The following IL1RAP variants were observed in gnomAD, a reference collection of about 807,000 sequenced individuals.
The protein encoded by IL1RAP is interleukin 1 receptor accessory protein.
A neutral mutation model predicts 60.7 loss-of-function variants in IL1RAP; 35 were observed. The observed-to-expected ratio is 0.58, with a 90% CI of 0.44 to 0.76. The LOEUF is 0.76. Among genes scored for constraint, IL1RAP ranks in the 30% least tolerant of loss-of-function variants. The probability of loss-of-function intolerance (pLI) is 0.00; values close to 1 mark genes in which losing one functional copy is unlikely to be tolerated. For missense variants in IL1RAP, 572 were observed against 693.9 expected (o/e 0.82, Z 1.97); for synonymous variants, 268 against 250.9 (o/e 1.07, Z -0.64).
chr3:190,593,280 A>G (rs901331135), intron 3 of IL1RAP, among the ~76,000 whole-genome samples: 2 of 152,170 alleles, frequency 1.3e-5, no homozygotes, highest in Non-Finnish European at 2.9e-5. Flanking sequence ...ATGCAGTGCC[A>G]GCAACATGAG....
In IL1RAP at chr3:190,648,719, A is replaced by G. The variant is rs775035878; in HGVS notation, c.*14A>G. 1 of 1,592,892 alleles carries G rather than the reference A, an allele frequency of 6.3e-7. No homozygotes were observed. Among genetic ancestry groups the G allele is most frequent in the Non-Finnish European group, 8.5e-7 (1 of 1,170,732 alleles). On this transcript the variant is annotated 3_prime_UTR_variant, in exon 12 of 12. Transcript: ENST00000447382. Reference sequence around the variant, plus strand: ...AAAAATGTATGAAAGGAATAATGAAAAGGGTAAAAAGAACAAGGGGTGCTC... The same window carrying G: ...AAAAATGTATGAAAGGAATAATGAAGAGGGTAAAAAGAACAAGGGGTGCTC...
chr3:190,558,237 T>A (rs1485545332), intron 2 of IL1RAP, among the ~76,000 whole-genome samples: 1 of 152,224 alleles, frequency 6.6e-6, no homozygotes, highest in African/African-American at 2.4e-5. Flanking sequence ...ATAATAGGGC[T>A]TCTACAAACA....
intron 1 of IL1RAP, among the ~76,000 whole-genome samples, chr3:190,549,684 T>G (rs565005010): frequency 1.3e-5 from 2 of 152,168 alleles, no homozygotes; most frequent in South Asian, 4.1e-4. Flanking sequence ...TACCATCATG[T>G]CAGGCTTCTG....
intron 9 of IL1RAP, among the ~76,000 whole-genome samples, chr3:190,643,028 G>A (rs1422075857): frequency 1.3e-5 from 2 of 152,140 alleles, no homozygotes; most frequent in East Asian, 3.8e-4. Context: ...ATGTGGAAAT[G>A]TTCATTGAGA....
At chr3:190,610,290 T>C (rs1263486684) in intron 5 of IL1RAP, among the ~76,000 whole-genome samples, 1 of 152,102 alleles carries the variant, frequency 6.6e-6, no homozygotes, top group African/African-American at 2.4e-5. Flanking sequence ...AAAACTACTA[T>C]TTCCTAAGTG....
chr3:190,646,721 C>T (rs1039737884), intron 11 of IL1RAP, among the ~76,000 whole-genome samples: 7 of 152,088 alleles, frequency 4.6e-5, no homozygotes, highest in Non-Finnish European at 1.0e-4. Context: ...CTCTAAAATC[C>T]TGTCTACATT....
rs560947112 is a variant in IL1RAP at position 190,645,867 on chromosome 3, T to G, written c.1345+25T>G. The G allele has an allele frequency of 4.7e-4, 756 of 1,594,336 alleles. 12 individuals are homozygous for G. In the South Asian group the frequency reaches 8.0e-3, roughly 17 times the overall value. ...AGTAGGTATTTCAGAGGAGTACAAATGATGCTACCTTGAAAGGCAGACAGA... is the reference window on the plus strand; with the variant it reads ...AGTAGGTATTTCAGAGGAGTACAAAGGATGCTACCTTGAAAGGCAGACAGA... On this transcript the variant is annotated intron_variant, in intron 11 of 11. Transcript: ENST00000447382.
chr3:190,582,573 C>T (rs144811628), intron 3 of IL1RAP, among the ~76,000 whole-genome samples: 1,855 of 152,248 alleles, frequency 0.012, 40 homozygotes, highest in African/African-American at 0.043. Flanking sequence ...CCGCCTCGGC[C>T]TCCCAAAGTG....
intron 3 of IL1RAP, among the ~76,000 whole-genome samples, chr3:190,575,820 G>A (rs765178030): frequency 2.6e-5 from 4 of 152,192 alleles, no homozygotes; most frequent in Admixed American, 1.3e-4. Context: ...CCAGTATGGC[G>A]GACAAGGTCC....
chr3:190,604,034 A>G, intron 3 of IL1RAP, 94 bp from the exon 4 acceptor site: 3 of 1,270,538 alleles, frequency 2.4e-6, no homozygotes, highest in Non-Finnish European at 3.3e-6. Flanking sequence ...GGTTCTGGAA[A>G]AGACCGGGTG....
Position 190,649,569 on chromosome 3 carries a change from C to G in IL1RAP, c.*864C>G. On this transcript the variant is annotated 3_prime_UTR_variant, in exon 12 of 12. Coordinates refer to ENST00000447382, the MANE Select transcript of IL1RAP (RefSeq NM_002182.4). ...AGACTCTTTTAGGGCATTTTTCTGA[C>G]TCATGAAAAGAGCACAGAAAAGGAT... 1.0e-6 allele frequency: 1 copy of G among 985,694 alleles called. No homozygotes were observed. Among genetic ancestry groups the G allele is most frequent in the Non-Finnish European group, 1.2e-6 (1 of 829,806 alleles). 61.1% of individuals were successfully genotyped at this position (985,694 alleles called of 1,614,324 possible).
chr3:190,561,551 T>A lies in IL1RAP; in HGVS notation c.-1-2738T>A, dbSNP rs1179833937. ...CAATCACACTAATTAGAATGTCTTA[T>A]AAATGTTGCCTTAGGAATTCAGCAG... On this transcript the variant is annotated intron_variant, in intron 2 of 11. Coordinates refer to ENST00000447382, the MANE Select transcript of IL1RAP (RefSeq NM_002182.4). 2.0e-5 allele frequency among the ~76,000 whole-genome samples: 3 copies of A among 152,178 alleles called. 1 individual carries two copies. In the South Asian group the frequency reaches 6.2e-4, roughly 31 times the overall value.
chr3:190,633,561 T>C (rs1248424911), intron 9 of IL1RAP, among the ~76,000 whole-genome samples: 3 of 152,114 alleles, frequency 2.0e-5, no homozygotes, highest in African/African-American at 4.8e-5. Context: ...TTCTCCATGT[T>C]GGCCAGGCTT....
chr3:190,577,632 G>C (rs1727610442), intron 3 of IL1RAP, among the ~76,000 whole-genome samples: 1 of 152,150 alleles, frequency 6.6e-6, no homozygotes, highest in Non-Finnish European at 1.5e-5. Context: ...CTGTGCTCAA[G>C]AGGTTCTCTT....
intron 1 of IL1RAP, among the ~76,000 whole-genome samples, chr3:190,515,233 CTT>C (rs34578850): frequency 6.9e-6 from 1 of 144,754 alleles, no homozygotes; most frequent in Non-Finnish European, 1.5e-5. Context: ...TTCTTTCTTC[CTT>C]TTTTTTTTTT....
intron 5 of IL1RAP, among the ~76,000 whole-genome samples, chr3:190,614,957 A>G (rs1030760547): frequency 6.6e-6 from 1 of 152,142 alleles, no homozygotes; most frequent in African/African-American, 2.4e-5. Flanking sequence ...TCTCAGACAA[A>G]CTGAGATTAC....
chr3:190,609,632 T>G (rs138085107), intron 5 of IL1RAP, among the ~76,000 whole-genome samples: 1 of 152,158 alleles, frequency 6.6e-6, no homozygotes, highest in African/African-American at 2.4e-5. Flanking sequence ...TCCAAGGGAT[T>G]TGGAAAATGT....
intron 8 of IL1RAP, among the ~76,000 whole-genome samples, chr3:190,627,962 CCT>C (rs1732456874): frequency 6.6e-6 from 1 of 151,708 alleles, no homozygotes; most frequent in South Asian, 2.1e-4. Context: ...TCTCTCTCCT[CCT>C]CTTTCTTATC....
Position 190,651,074 on chromosome 3 carries a change from T to A in IL1RAP, c.*2369T>A. The A allele has an allele frequency of 1.0e-6, 1 of 985,190 alleles. No individual in the cohort carries two copies. The highest frequency in any genetic ancestry group is 1.2e-6 in the Non-Finnish European group (1 of 829,702). The allele number at this position is 985,190 out of a possible 1,614,324, so 61.0% of individuals were successfully genotyped here. ...TTGCAAGAGAATTTGTTTCAAGATT[T>A]TTTTTTAATGTTCCAGAAGATGGCC... On this transcript the variant is annotated 3_prime_UTR_variant, in exon 12 of 12. Transcript: ENST00000447382.
Sources: allele counts gnomAD v4.1 joint callset (sites outside exome capture counted in the v4.1 genomes callset), GRCh38; gene constraint gnomAD v4.1.1; transcripts MANE v1.5; gene names NCBI Gene and HGNC (gene_info 2026-07-23, HGNC 2026-07-21).